TACR1: variants seen among roughly 807,000 people sequenced by gnomAD.
TACR1 encodes the protein substance-P receptor.
A neutral mutation model predicts 35.8 loss-of-function variants in TACR1; 25 were observed. The ratio of observed to expected loss-of-function variants is 0.70; its 90% CI spans 0.51 to 0.98. The LOEUF (loss-of-function observed/expected upper bound fraction) is 0.98, where lower values mean the gene tolerates loss of function less well. Among genes scored for constraint, TACR1 ranks in the 50% least tolerant of loss-of-function variants. The pLI is 0.00. For synonymous variants in TACR1, 195 were observed against 206.7 expected, an observed-to-expected ratio of 0.94 and a Z score of 0.48; for missense variants, 478 against 522.9, an observed-to-expected ratio of 0.91 and a Z score of 0.84.
chr2:75,147,665 G>A (rs1428849715), intron 1 of TACR1, among the ~76,000 whole-genome samples: 1 of 151,492 alleles, frequency 6.6e-6, no homozygotes, highest in African/African-American at 2.4e-5. Flanking sequence ...GCGGTGTTTG[G>A]TTTTCTGTTC....
At chr2:75,054,202 G>A (rs1384212240) in intron 2 of TACR1, among the ~76,000 whole-genome samples, 3 of 152,110 alleles carry the variant, frequency 2.0e-5, no homozygotes, top group Non-Finnish European at 4.4e-5. Flanking sequence ...ATTCATACCC[G>A]CCAGACTACA....
At chr2:75,061,454 G>A (rs1037649296) in intron 2 of TACR1, among the ~76,000 whole-genome samples, 3 of 152,130 alleles carry the variant, frequency 2.0e-5, no homozygotes, top group African/African-American at 7.2e-5. Flanking sequence ...GAGAGCAGTC[G>A]TTAAATGGGG....
At chr2:75,174,944 T>C (rs1270985521) in intron 1 of TACR1, among the ~76,000 whole-genome samples, 1 of 152,186 alleles carries the variant, frequency 6.6e-6, no homozygotes, top group Non-Finnish European at 1.5e-5. Context: ...TTTTAAGAAA[T>C]CAATTCAGGA....
intron 1 of TACR1, among the ~76,000 whole-genome samples, chr2:75,193,086 TC>T (rs1675889530): frequency 2.0e-5 from 3 of 152,132 alleles, no homozygotes; most frequent in Admixed American, 6.5e-5. Flanking sequence ...CCATCCTCTC[TC>T]CCCTACTGCC....
intron 1 of TACR1, among the ~76,000 whole-genome samples, chr2:75,174,919 G>A (rs774929432): frequency 6.6e-6 from 1 of 152,168 alleles, no homozygotes; most frequent in Non-Finnish European, 1.5e-5. Context: ...GGATGATGAG[G>A]GGCTGAACAC....
intron 1 of TACR1, among the ~76,000 whole-genome samples, chr2:75,190,381 G>C (rs1675813626): frequency 6.6e-6 from 1 of 152,174 alleles, no homozygotes; most frequent in Non-Finnish European, 1.5e-5. Flanking sequence ...TCCAAAGATG[G>C]AAAGAATGTT....
rs143574240 is a variant in TACR1, at chr2:75,188,131, C to T, written c.389+10415G>A. 16 of 152,298 alleles carry T rather than the reference C, an allele frequency of 1.1e-4. No homozygotes were observed. The East Asian group carries it at 3.1e-3, about 29-fold the overall frequency. 9.4% of individuals were successfully genotyped at this position (152,298 alleles called of 1,614,324 possible). ...GCTCAGGGCTGCATTCATTTTGGTT[C>T]CCATCACGAATTCTAAAGGCATTTG... On this transcript the variant is annotated intron_variant, in intron 1 of 4. Coordinates refer to ENST00000305249, the MANE Select transcript of TACR1 (RefSeq NM_001058.4).
Position 75,199,166 on chromosome 2 carries a change from A to T in TACR1, c.-232T>A. On this transcript the variant is annotated 5_prime_UTR_variant, in exon 1 of 5. Transcript: ENST00000305249. The stretch of plus-strand genomic sequence containing the variant: ...CTGAATTCCTCCACTTTCAAGCTTC[A>T]GGAGACGTTTGAGTTCAGAAGTCTG... 1.9e-6 allele frequency: 1 copy of T among 536,410 alleles called. No individual in the cohort carries two copies. The highest frequency in any genetic ancestry group is 3.3e-6 in the Non-Finnish European group (1 of 302,724). 33.2% of individuals were successfully genotyped at this position (536,410 alleles called of 1,614,324 possible). A position where few individuals can be genotyped will look rare whatever the true frequency, so the allele number is the denominator to read the frequency against.
At chr2:75,139,526 C>T (rs2103945183) in intron 1 of TACR1, among the ~76,000 whole-genome samples, 1 of 152,334 alleles carries the variant, frequency 6.6e-6, no homozygotes, top group East Asian at 1.9e-4. Flanking sequence ...GGAACACGGG[C>T]TTAGCTGTCC....
rs376150014 is a variant in TACR1, at chr2:75,172,885, C to T, written c.389+25661G>A. On this transcript the variant is annotated intron_variant, in intron 1 of 4. Transcript: ENST00000305249. ...GGCTTGCAGATGGCCACCTTCTCCC[C>T]GTATCTCTTCATATTGCCTTTCCTC... Among the ~76,000 whole-genome samples the T allele has an allele frequency of 3.8e-4, 58 of 152,196 alleles. No homozygotes were observed. In the South Asian group the frequency reaches 8.3e-3, roughly 22 times the overall value.
intron 2 of TACR1, among the ~76,000 whole-genome samples, chr2:75,094,840 T>C (rs1164973146): frequency 2.6e-5 from 2 of 77,314 alleles, no homozygotes; most frequent in African/African-American, 1.6e-4. Context: ...AGCAGAAACA[T>C]ATATATATAT....
At chr2:75,141,032 A>G (rs1271917292) in intron 1 of TACR1, among the ~76,000 whole-genome samples, 1 of 152,190 alleles carries the variant, frequency 6.6e-6, no homozygotes, top group Non-Finnish European at 1.5e-5. Context: ...TCTCTTTTAT[A>G]AACTTCCATA....
chr2:75,154,526 A>ACACACACACACACACTCT (rs1379600710), intron 1 of TACR1: 1 of 117,144 alleles, frequency 8.5e-6, no homozygotes, highest in East Asian at 2.7e-4. Flanking sequence ...ACACACACAC[A>ACACACACACACACACTCT]CTCTCTGAAG....
chr2:75,159,313 T>A (rs1038917518), intron 1 of TACR1, among the ~76,000 whole-genome samples: 1 of 152,176 alleles, frequency 6.6e-6, no homozygotes, highest in Non-Finnish European at 1.5e-5. Context: ...AGGCTACTGG[T>A]AAGTACAGAA....
chr2:75,170,769 C>A (rs563412889), intron 1 of TACR1, among the ~76,000 whole-genome samples: 1 of 152,186 alleles, frequency 6.6e-6, no homozygotes, highest in African/African-American at 2.4e-5. Context: ...TTTGCCCTTG[C>A]CCTAGAGATT....
At chr2:75,188,391 A>C (rs1169046239) in intron 1 of TACR1, 2 of 152,172 alleles carry the variant, frequency 1.3e-5, no homozygotes, top group Non-Finnish European at 2.9e-5. Context: ...AGGTTTTTAA[A>C]AATTAGTGTC....
At chr2:75,150,320 G>A (rs1290742113) in intron 1 of TACR1, among the ~76,000 whole-genome samples, 4 of 152,118 alleles carry the variant, frequency 2.6e-5, no homozygotes, top group Admixed American at 6.5e-5. Context: ...GCTCTAATAC[G>A]GTTTGGCTGT....
chr2:75,196,050 C>T (rs1675963341), intron 1 of TACR1, among the ~76,000 whole-genome samples: 1 of 152,296 alleles, frequency 6.6e-6, no homozygotes, highest in Middle Eastern at 3.4e-3. Flanking sequence ...CCCAAGTCTT[C>T]TGCAGTGAAC....
Position 75,122,109 on chromosome 2 carries a change from G to A in TACR1, c.390-1341C>T, listed in dbSNP as rs6742235. On this transcript the variant is annotated intron_variant, in intron 1 of 4. Transcript: ENST00000305249. ...CTTGTAATTTCTCCAGGGAGAAAAG[G>A]TGCATCAATAAGCAGCTCAAAACAC... Among the ~76,000 whole-genome samples, 1,067 of 152,314 alleles carry A rather than the reference G, an allele frequency of 7.0e-3. 11 individuals carry two copies. Among genetic ancestry groups the A allele is most frequent in the African/African-American group, 0.024 (997 of 41,568 alleles).
Sources: gnomAD v4.1 joint callset for allele counts (sites outside exome capture counted in the v4.1 genomes callset) on GRCh38, gnomAD v4.1.1 for gene constraint, MANE v1.5 for transcripts, NCBI Gene and HGNC (gene_info 2026-07-23, HGNC 2026-07-21) for gene names.